Variants in CTNNA3 observed in about 807,000 individuals in gnomAD.
CTNNA3 encodes the protein catenin alpha 3, also known as catenin alpha-3.
A neutral mutation model predicts 95.7 loss-of-function variants in CTNNA3; 76 were observed. That is an observed-to-expected ratio of 0.79 (90% CI 0.66 to 0.96). The LOEUF (loss-of-function observed/expected upper bound fraction) is 0.96, where lower values mean the gene tolerates loss of function less well. Among genes scored for constraint, CTNNA3 ranks in the 40% least tolerant of loss-of-function variants. The probability of loss-of-function intolerance (pLI) is 0.00; values close to 1 mark genes in which losing one functional copy is unlikely to be tolerated. For synonymous variants in CTNNA3, 431 were observed against 374.4 expected, an observed-to-expected ratio of 1.15 and a Z score of -1.74; for missense variants, 1,191 against 1,089.8, an observed-to-expected ratio of 1.09 and a Z score of -1.31.
intron 13 of CTNNA3, among the ~76,000 whole-genome samples, chr10:66,160,432 T>G (rs1762128096): frequency 6.6e-6 from 1 of 152,074 alleles, no homozygotes; most frequent in African/African-American, 2.4e-5. Flanking sequence ...TGATTTTGTT[T>G]TTGACCCAAT....
intron 5 of CTNNA3, among the ~76,000 whole-genome samples, chr10:67,290,859 C>CTAAA (rs1395234709): frequency 6.6e-6 from 1 of 152,142 alleles, no homozygotes. Flanking sequence ...GCTATACATC[C>CTAAA]TAAAATATTC....
chr10:67,033,211 A>C (rs971431930), intron 7 of CTNNA3, among the ~76,000 whole-genome samples: 16 of 152,176 alleles, frequency 1.1e-4, no homozygotes, highest in Non-Finnish European at 4.4e-5. Flanking sequence ...GCTATTTTGA[A>C]ATCAAGTTCT....
At chr10:66,560,408 C>T (rs1842517151) in intron 10 of CTNNA3, among the ~76,000 whole-genome samples, 2 of 151,918 alleles carry the variant, frequency 1.3e-5, no homozygotes, top group Admixed American at 1.3e-4. Flanking sequence ...ACTTTAGTAG[C>T]TATTATTCCA....
At chr10:66,803,494 T>C (rs1841512047) in intron 7 of CTNNA3, among the ~76,000 whole-genome samples, 1 of 152,044 alleles carries the variant, frequency 6.6e-6, no homozygotes, top group Non-Finnish European at 1.5e-5. Context: ...TCACTACACA[T>C]TGTATATTTT....
chr10:66,089,095 G>A (rs533877839), intron 14 of CTNNA3, among the ~76,000 whole-genome samples: 16 of 151,760 alleles, frequency 1.1e-4, no homozygotes, highest in South Asian at 2.1e-4. Flanking sequence ...AGTAAAGTTC[G>A]CGCCCCTTTT....
At chr10:67,689,390 G>A (rs183993053) in intron 1 of CTNNA3, among the ~76,000 whole-genome samples, 192 of 152,202 alleles carry the variant, frequency 1.3e-3, no homozygotes, top group African/African-American at 4.2e-3. Context: ...TGGTGAGCCC[G>A]GGTGCCTAAA....
intron 13 of CTNNA3, among the ~76,000 whole-genome samples, chr10:66,253,713 G>A (rs2090649342): frequency 3.9e-5 from 6 of 152,098 alleles, no homozygotes; most frequent in Admixed American, 3.9e-4. Context: ...GTTTCTGTGT[G>A]TGTGCACGTT....
chr10:67,109,608 G>C (rs1858813844), intron 7 of CTNNA3, among the ~76,000 whole-genome samples: 1 of 152,168 alleles, frequency 6.6e-6, no homozygotes, highest in South Asian at 2.1e-4. Context: ...ACTTTGGGAG[G>C]CCGAGGTGTG....
intron 12 of CTNNA3, among the ~76,000 whole-genome samples, chr10:66,321,695 A>G (rs1164275036): frequency 6.6e-6 from 1 of 152,170 alleles, no homozygotes; most frequent in African/African-American, 2.4e-5. Context: ...ACATATTTTT[A>G]TACTCTCCGA....
intron 15 of CTNNA3, among the ~76,000 whole-genome samples, chr10:66,007,961 T>C (rs1312892757): frequency 6.6e-6 from 1 of 151,944 alleles, no homozygotes; most frequent in Admixed American, 6.6e-5. Context: ...ACAGCCTTTT[T>C]CTACAACAGA....
At chr10:67,559,882 T>C (rs1229001039) in intron 3 of CTNNA3, among the ~76,000 whole-genome samples, 1 of 152,012 alleles carries the variant, frequency 6.6e-6, no homozygotes, top group East Asian at 1.9e-4. Flanking sequence ...GAAGAAAGGG[T>C]ATCAGTGATA....
At chr10:67,663,383 A>C (rs1840245249) in intron 1 of CTNNA3, among the ~76,000 whole-genome samples, 1 of 146,802 alleles carries the variant, frequency 6.8e-6, no homozygotes, top group African/African-American at 2.5e-5. Flanking sequence ...ATTTTGGACC[A>C]AAAAAAAAAG....
At chr10:66,546,089 T>C (rs1842026923) in intron 10 of CTNNA3, among the ~76,000 whole-genome samples, 1 of 151,914 alleles carries the variant, frequency 6.6e-6, no homozygotes, top group African/African-American at 2.4e-5. Flanking sequence ...CACAGGTCCT[T>C]AGTTTTCATG....
chr10:67,035,124 C>T (rs1853968776), intron 7 of CTNNA3, among the ~76,000 whole-genome samples: 1 of 152,188 alleles, frequency 6.6e-6, no homozygotes, highest in Non-Finnish European at 1.5e-5. Context: ...GTGCATATTA[C>T]CTCTGCTAGA....
chr10:66,965,740 C>T (rs1456390638), intron 7 of CTNNA3, among the ~76,000 whole-genome samples: 2 of 151,906 alleles, frequency 1.3e-5, no homozygotes, highest in African/African-American at 4.8e-5. Context: ...TCTTTTATTT[C>T]TTTGCTCAGT....
chr10:67,530,393 C>T (rs1335074980), intron 4 of CTNNA3, among the ~76,000 whole-genome samples: 2 of 152,184 alleles, frequency 1.3e-5, no homozygotes, highest in East Asian at 3.9e-4. Flanking sequence ...GTGGTCTCAG[C>T]TGGAAATGAG....
At chr10:66,874,142 T>C (rs1203251980) in intron 7 of CTNNA3, among the ~76,000 whole-genome samples, 2 of 151,712 alleles carry the variant, frequency 1.3e-5, no homozygotes, top group Non-Finnish European at 2.9e-5. Flanking sequence ...GGTCCATGAG[T>C]CTCAGGAACA....
chr10:66,418,236 C>G (rs12263409), intron 11 of CTNNA3, among the ~76,000 whole-genome samples: 47 of 151,210 alleles, frequency 3.1e-4, no homozygotes, highest in African/African-American at 1.1e-3. Context: ...GAGACTATCA[C>G]GGAAAACTGT....
chr10:67,217,247 T>C (rs993863567), intron 6 of CTNNA3, among the ~76,000 whole-genome samples: 1 of 152,178 alleles, frequency 6.6e-6, no homozygotes, highest in Admixed American at 6.5e-5. Context: ...CAGCTTCCTG[T>C]AAATAATGAA....
Sources: allele counts gnomAD v4.1 joint callset (sites outside exome capture counted in the v4.1 genomes callset), GRCh38; gene constraint gnomAD v4.1.1; transcripts MANE v1.5; gene names NCBI Gene and HGNC (gene_info 2026-07-23, HGNC 2026-07-21).